The following NRXN1 variants were observed in gnomAD, a reference collection of about 807,000 sequenced individuals.
NRXN1 encodes the protein neurexin-1.
In NRXN1, 39 loss-of-function variants were observed where a neutral mutation model predicts 150.9. The ratio of observed to expected loss-of-function variants is 0.26; its 90% CI spans 0.20 to 0.34. The LOEUF (loss-of-function observed/expected upper bound fraction) is 0.34. NRXN1 is among the 10% of genes least tolerant of loss of function. The pLI is 1.00. For synonymous variants in NRXN1, 924 were observed against 757.0 expected (o/e 1.22, Z -3.62); for missense variants, 1,815 against 1,949.9 (o/e 0.93, Z 1.30).
chr2:50,251,643 C>T (rs1031214182), intron 17 of NRXN1, among the ~76,000 whole-genome samples: 23 of 152,190 alleles, frequency 1.5e-4, no homozygotes, highest in African/African-American at 5.3e-4. Flanking sequence ...TTTACATTCC[C>T]ACCAACAGTG....
At chr2:50,313,878 C>A (rs1265192312) in intron 17 of NRXN1, among the ~76,000 whole-genome samples, 1 of 152,042 alleles carries the variant, frequency 6.6e-6, no homozygotes, top group Non-Finnish European at 1.5e-5. Context: ...AATCTGGGCA[C>A]AGGGACTTTG....
chr2:50,635,397 G>A (rs1683089415), intron 5 of NRXN1, among the ~76,000 whole-genome samples: 1 of 150,626 alleles, frequency 6.6e-6, no homozygotes, highest in Non-Finnish European at 1.5e-5. Flanking sequence ...GATCTCCTGA[G>A]CTCCCGACCT....
intron 15 of NRXN1, among the ~76,000 whole-genome samples, chr2:50,493,147 C>A (rs1472573453): frequency 6.6e-6 from 1 of 152,176 alleles, no homozygotes; most frequent in Admixed American, 6.5e-5. Context: ...AATCTATTGA[C>A]CAAAACAGGT....
intron 5 of NRXN1, among the ~76,000 whole-genome samples, chr2:50,859,379 A>T (rs1474424256): frequency 1.3e-5 from 2 of 152,072 alleles, no homozygotes; most frequent in African/African-American, 2.4e-5. Context: ...TTAAGTGTCA[A>T]TGTAAAGCCA....
chr2:50,601,679 T>C (rs980652814), intron 8 of NRXN1, among the ~76,000 whole-genome samples: 1 of 152,206 alleles, frequency 6.6e-6, no homozygotes, highest in Non-Finnish European at 1.5e-5. Context: ...AGGACTGTTT[T>C]TAGTGGACTT....
At chr2:50,749,757 A>T (rs1411371388) in intron 5 of NRXN1, among the ~76,000 whole-genome samples, 1 of 152,064 alleles carries the variant, frequency 6.6e-6, no homozygotes, top group African/African-American at 2.4e-5. Context: ...ATAACCTCAA[A>T]GGTCATTTGA....
chr2:50,561,953 C>A (rs1314131044), intron 8 of NRXN1, among the ~76,000 whole-genome samples: 1 of 152,184 alleles, frequency 6.6e-6, no homozygotes, highest in Non-Finnish European at 1.5e-5. Flanking sequence ...AGAGTTTCTA[C>A]TTCAAGCCAG....
chr2:50,675,708 T>C (rs1231260034), intron 5 of NRXN1, among the ~76,000 whole-genome samples: 1 of 152,152 alleles, frequency 6.6e-6, no homozygotes, highest in Admixed American at 6.6e-5. Flanking sequence ...ATGGCATAAA[T>C]GTATTTTAAG....
At chr2:50,661,845 C>A (rs1468620115) in intron 5 of NRXN1, among the ~76,000 whole-genome samples, 1 of 152,010 alleles carries the variant, frequency 6.6e-6, no homozygotes, top group Non-Finnish European at 1.5e-5. Flanking sequence ...GCTGTGGTAG[C>A]CGTCTCTCCC....
intron 5 of NRXN1, among the ~76,000 whole-genome samples, chr2:50,683,063 AC>A (rs1222770998): frequency 6.6e-6 from 1 of 152,118 alleles, no homozygotes; most frequent in Non-Finnish European, 1.5e-5. Context: ...AGGAAGCAAC[AC>A]TGAGCTGCTG....
At chr2:49,979,071 G>T (rs1895129) in intron 21 of NRXN1, among the ~76,000 whole-genome samples, 10 of 152,046 alleles carry the variant, frequency 6.6e-5, no homozygotes, top group African/African-American at 2.4e-4. Context: ...GGCCGAAGCA[G>T]GTGGATCACA....
intron 8 of NRXN1, among the ~76,000 whole-genome samples, chr2:50,583,181 G>A (rs1025153244): frequency 1.3e-5 from 2 of 151,914 alleles, no homozygotes. Context: ...CTCCCAAGTA[G>A]CTGGGACTAC....
chr2:50,968,906 G>A (rs368108326), intron 2 of NRXN1, among the ~76,000 whole-genome samples: 7 of 152,014 alleles, frequency 4.6e-5, no homozygotes, highest in African/African-American at 9.7e-5. Flanking sequence ...AGAGCTTGCC[G>A]ATAAATTTCT....
chr2:50,813,590 T>A (rs780289604), intron 5 of NRXN1, among the ~76,000 whole-genome samples: 3 of 152,206 alleles, frequency 2.0e-5, no homozygotes, highest in Non-Finnish European at 4.4e-5. Context: ...AACCTTGTTA[T>A]AAGATTAATA....
At chr2:50,605,871 T>C (rs1004975930) in intron 8 of NRXN1, among the ~76,000 whole-genome samples, 6 of 152,166 alleles carry the variant, frequency 3.9e-5, no homozygotes, top group Admixed American at 2.0e-4. Flanking sequence ...GTCTTCACAA[T>C]AGCCAGGATG....
At chr2:50,681,939 C>A (rs1022867432) in intron 5 of NRXN1, among the ~76,000 whole-genome samples, 3 of 152,156 alleles carry the variant, frequency 2.0e-5, no homozygotes, top group African/African-American at 7.2e-5. Flanking sequence ...TTCTAAGCCT[C>A]ATGCTGTCTC....
At position 50,697,377 on chromosome 2, in the gene NRXN1, A is replaced by T. The variant is rs79618071; in HGVS notation, c.833-73762T>A. On this transcript the variant is annotated intron_variant, in intron 5 of 22. Coordinates refer to ENST00000401669, the MANE Select transcript of NRXN1 (RefSeq NM_001330078.2). Reference sequence around the variant, plus strand: ...GCTCATTAAATTTGTGTGTGACAAAAGTTGGAAAGAGTGTTAAGACCTTGA... The same window carrying T: ...GCTCATTAAATTTGTGTGTGACAAATGTTGGAAAGAGTGTTAAGACCTTGA... Among the ~76,000 whole-genome samples, 10 of 152,318 alleles carry T rather than the reference A, an allele frequency of 6.6e-5. No homozygotes were observed. In the East Asian group the frequency reaches 1.9e-3, roughly 29 times the overall value.
At chr2:50,515,947 C>T (rs2092619189) in intron 12 of NRXN1, among the ~76,000 whole-genome samples, 1 of 152,054 alleles carries the variant, frequency 6.6e-6, no homozygotes. Flanking sequence ...ATTTGACTTT[C>T]CCATTACTTT....
At position 50,381,522 on chromosome 2, in the gene NRXN1, AACACACACACACAC is replaced by A. The variant is rs59726557; in HGVS notation, c.3364+83906_3364+83919del. 5.9e-3 allele frequency among the ~76,000 whole-genome samples: 759 copies of A among 128,606 alleles called. 3 individuals are homozygous for A. The highest frequency in any genetic ancestry group is 8.1e-3 in the Non-Finnish European group (484 of 60,044). The allele number at this position is 128,606 out of a possible 152,430, so 84.4% of individuals were successfully genotyped here. ...AGTCTAAAGGGGACTCAGGCTTTTA[AACACACACACACAC>A]ACACACACACACACACACACACACA... On this transcript the variant is annotated intron_variant, in intron 17 of 22. Coordinates refer to ENST00000401669, the MANE Select transcript of NRXN1 (RefSeq NM_001330078.2).
Sources: gnomAD v4.1 joint callset for allele counts (sites outside exome capture counted in the v4.1 genomes callset) on GRCh38, gnomAD v4.1.1 for gene constraint, MANE v1.5 for transcripts, NCBI Gene and HGNC (gene_info 2026-07-23, HGNC 2026-07-21) for gene names.